The following ADGRG2 variants were observed in gnomAD, a reference collection of about 807,000 sequenced individuals.
ADGRG2 encodes the protein adhesion G protein-coupled receptor G2.
A neutral mutation model predicts 74.1 loss-of-function variants in ADGRG2; 26 were observed. The ratio of observed to expected loss-of-function variants is 0.35; its 90% CI spans 0.26 to 0.49. The LOEUF (loss-of-function observed/expected upper bound fraction) is 0.49, where lower values mean the gene tolerates loss of function less well. Among genes scored for constraint, ADGRG2 ranks in the 20% least tolerant of loss-of-function variants. ADGRG2 has a pLI of 0.99. For synonymous variants in ADGRG2, 296 were observed against 295.2 expected, an observed-to-expected ratio of 1.00 and a Z score of -0.03; for missense variants, 619 against 763.1, an observed-to-expected ratio of 0.81 and a Z score of 2.22.
At chrX:19,055,026 G>A (rs181532338) in intron 3 of ADGRG2, among the ~76,000 whole-genome samples, 38 of 111,902 alleles carry the variant, frequency 3.4e-4, no homozygotes, top group African/African-American at 1.2e-3. Context: ...AACAATAAGC[G>A]ACGTGGGGCT....
intron 11 of ADGRG2, among the ~76,000 whole-genome samples, 193 bp downstream of exon 11, chrX:19,027,026 G>A (rs765404185): frequency 3.1e-4 from 35 of 111,947 alleles, no homozygotes; most frequent in Non-Finnish European, 3.9e-4. Flanking sequence ...TAACTTCAGC[G>A]CATCAAAGAG....
At chrX:19,061,622 G>A (rs1202539017) in intron 3 of ADGRG2, among the ~76,000 whole-genome samples, 1 of 111,953 alleles carries the variant, frequency 8.9e-6, no homozygotes, top group Non-Finnish European at 1.9e-5. Context: ...TATCTAGGGT[G>A]GCTCCCTTTT....
Position 18,999,016 on chromosome X carries a change from G to T in ADGRG2, c.2594C>A (p.Ala865Asp). The T allele has an allele frequency of 8.3e-7, 1 of 1,203,250 alleles. No homozygotes were observed. The highest frequency in any genetic ancestry group is 1.1e-6 in the Non-Finnish European group (1 of 888,927). Residue 865 changes from alanine (A) to aspartate (D), a missense_variant, in exon 26 of 29, where the codon GCC becomes GAC. Ala to Asp is a moderately radical substitution (Grantham distance 126). This residue lies in a region of ADGRG2 where 221 missense variants were observed against 340.6 expected (regional missense o/e 0.65). Transcript: ENST00000379869. ...PVNVTFMYLF[A>D]IFNTLQGFFI... Reference sequence around the variant, plus strand: ...CTTACCTTGTAAGGTATTAAAGATGGCAAACAGATACATGAAGGTCACGTT... The same window carrying T: ...CTTACCTTGTAAGGTATTAAAGATGTCAAACAGATACATGAAGGTCACGTT...
intron 9 of ADGRG2, 67 bp from the exon 10 acceptor site, chrX:19,028,305 T>C (rs754053533): frequency 4.1e-6 from 2 of 483,103 alleles, no homozygotes; most frequent in South Asian, 3.9e-5. Flanking sequence ...TAATACCACA[T>C]ACAAAAAGAT....
At chrX:19,063,633 C>T (rs1602036597) in intron 3 of ADGRG2, among the ~76,000 whole-genome samples, 1 of 112,189 alleles carries the variant, frequency 8.9e-6, no homozygotes, top group South Asian at 3.7e-4. Flanking sequence ...CCCGTGAGTT[C>T]GCCACCCGCC....
chrX:19,038,239 A>G (rs974300966), intron 4 of ADGRG2, among the ~76,000 whole-genome samples: 5 of 112,647 alleles, frequency 4.4e-5, no homozygotes, highest in African/African-American at 1.6e-4. Context: ...GCATATTTAA[A>G]TATTTAAAAG....
intron 1 of ADGRG2, among the ~76,000 whole-genome samples, chrX:19,087,976 G>A (rs1801036887): frequency 9.0e-6 from 1 of 110,886 alleles, no homozygotes; most frequent in Non-Finnish European, 1.9e-5. Context: ...AGCTGGAGAA[G>A]AGAGTATCAA....
chrX:19,084,012 T>C (rs918218591), intron 1 of ADGRG2, among the ~76,000 whole-genome samples: 6 of 111,931 alleles, frequency 5.4e-5, no homozygotes, highest in African/African-American at 1.3e-4. Flanking sequence ...CATATGTTCA[T>C]TGCAGCACTA....
intron 2 of ADGRG2, among the ~76,000 whole-genome samples, chrX:19,081,813 G>A (rs1417917244): frequency 9.0e-6 from 1 of 110,970 alleles, no homozygotes; most frequent in Non-Finnish European, 1.9e-5. Context: ...AGTGGCTCAG[G>A]CCTGTAATCC....
intron 3 of ADGRG2, among the ~76,000 whole-genome samples, chrX:19,059,527 C>T (rs781353270): frequency 1.8e-5 from 2 of 111,406 alleles, no homozygotes; most frequent in East Asian, 5.7e-4. Flanking sequence ...CAAAGACCTA[C>T]AGGAGTGTCC....
chrX:19,110,299 T>C (rs949833279), intron 1 of ADGRG2, among the ~76,000 whole-genome samples: 2 of 110,958 alleles, frequency 1.8e-5, no homozygotes, highest in Non-Finnish European at 3.8e-5. Context: ...TGAGATGATA[T>C]AGAAGGTAAC....
At chrX:19,109,803 G>A (rs1047987492) in intron 1 of ADGRG2, among the ~76,000 whole-genome samples, 1 of 112,038 alleles carries the variant, frequency 8.9e-6, no homozygotes, top group Non-Finnish European at 1.9e-5. Flanking sequence ...CAGTCTTGTA[G>A]TTAGGAGGGC....
intron 3 of ADGRG2, among the ~76,000 whole-genome samples, chrX:19,055,266 G>A (rs1454094332): frequency 9.1e-6 from 1 of 110,225 alleles, no homozygotes; most frequent in African/African-American, 3.3e-5. Context: ...GTGTGTGTGT[G>A]TGTGTATGTG....
At chrX:19,044,703 T>C (rs939882562) in intron 3 of ADGRG2, among the ~76,000 whole-genome samples, 1 of 111,072 alleles carries the variant, frequency 9.0e-6, no homozygotes, top group East Asian at 2.8e-4. Flanking sequence ...TGGCCATTGC[T>C]CCTGACTCCT....
intron 11 of ADGRG2, among the ~76,000 whole-genome samples, chrX:19,024,288 G>T (rs191232608): frequency 1.8e-5 from 2 of 110,900 alleles, no homozygotes; most frequent in African/African-American, 6.6e-5. Context: ...AAAAATTTTC[G>T]AGAGGGGCAG....
chrX:19,036,886 G>A (rs755700093), intron 6 of ADGRG2, among the ~76,000 whole-genome samples: 2 of 111,010 alleles, frequency 1.8e-5, no homozygotes, highest in East Asian at 5.7e-4. Flanking sequence ...GGGTTTCATC[G>A]CAATAAGATG....
At position 19,037,627 on chromosome X, in the gene ADGRG2, GATA is replaced by G; in HGVS notation, c.161_163del (p.Leu54del). 2 of 1,130,901 alleles carry G rather than the reference GATA, an allele frequency of 1.8e-6. No individual in the cohort carries two copies. The highest frequency in any genetic ancestry group is 6.3e-5 in the East Asian group (2 of 31,835). The allele number at this position is 1,130,901 out of a possible 1,213,427, so 93.2% of individuals were successfully genotyped here. A position where few individuals can be genotyped will look rare whatever the true frequency, so the allele number is the denominator to read the frequency against. ...GGAGGAGGGGGCAAAACTGACAACA[GATA>G]ATTTAGCTGCAGGAGAAAAAAAAAT... On this transcript the variant is annotated inframe_deletion, in exon 5 of 29. Transcript: ENST00000379869.
chrX:19,109,314 A>G (rs920469631), intron 1 of ADGRG2, among the ~76,000 whole-genome samples: 2 of 111,940 alleles, frequency 1.8e-5, no homozygotes, highest in Admixed American at 1.9e-4. Context: ...AACATGTGGT[A>G]TATTTCTGTC....
At chrX:19,045,275 T>C (rs939911687) in intron 3 of ADGRG2, among the ~76,000 whole-genome samples, 1 of 100,726 alleles carries the variant, frequency 9.9e-6, no homozygotes, top group African/African-American at 3.6e-5. Context: ...CATAATCGAA[T>C]ACAGAAATGG....
Sources: allele counts gnomAD v4.1 joint callset (sites outside exome capture counted in the v4.1 genomes callset), GRCh38; gene constraint gnomAD v4.1.1; regional missense constraint gnomAD v4.1.1; transcripts MANE v1.5; gene names NCBI Gene and HGNC (gene_info 2026-07-23, HGNC 2026-07-21).